Variants in ZNF17 observed in about 807,000 individuals in gnomAD.
ZNF17 encodes the protein zinc finger protein 17 (HPF3, KOX 10).
In ZNF17, 4 loss-of-function variants were observed where a neutral mutation model predicts 7.7. The observed-to-expected ratio is 0.52, with a 90% CI of 0.26 to 1.20. The LOEUF is 1.20. ZNF17 is among the 50% of genes most tolerant of loss of function. The pLI is 0.14. For missense variants in ZNF17, 738 were observed against 799.5 expected, an observed-to-expected ratio of 0.92 and a Z score of 0.93; for synonymous variants, 249 against 258.8, an observed-to-expected ratio of 0.96 and a Z score of 0.36.
chr19:57,413,683 G>A (rs1202625421), intron 2 of ZNF17, 47 bp downstream of exon 2: 1 of 1,532,428 alleles, frequency 6.5e-7, no homozygotes, highest in East Asian at 2.4e-5. Flanking sequence ...GATGGTTTCA[G>A]CATGCTGATA....
At position 57,419,913 on chromosome 19, in the gene ZNF17, C is replaced by T. The variant is rs973379160; in HGVS notation, c.427C>T (p.His143Tyr). 3.1e-6 allele frequency: 5 copies of T among 1,614,208 alleles called. No homozygotes were observed. Among genetic ancestry groups the T allele is most frequent in the Non-Finnish European group, 8.5e-7 (1 of 1,180,036 alleles). ...GCCTTCGTTTGTGAATGACAGTGTT[C>T]ACCTGGCAAAGAGGAACCTCACATG... is the stretch of plus-strand genomic sequence containing the variant. ...GRPSFVNDSV[H>Y]LAKRNLTCMQ... Residue 143 changes from histidine (H) to tyrosine (Y), a missense_variant, in exon 4 of 4, where the codon CAC becomes TAC. Transcript: ENST00000307658.
chr19:57,411,307 G>T lies in ZNF17; in HGVS notation c.-120G>T, dbSNP rs959679436. The T allele has an allele frequency of 3.0e-5, 47 of 1,556,722 alleles. No homozygotes were observed. The highest frequency in any genetic ancestry group is 2.2e-4 in the African/African-American group (16 of 73,940). On this transcript the variant is annotated 5_prime_UTR_variant, in exon 1 of 4. Coordinates refer to ENST00000307658, the MANE Select transcript of ZNF17 (RefSeq NM_001330617.2). ...AGAGTGAGGCTCGGTTGAATCGGTT[G>T]CAGGCGTTGGTGCCTCTGTCAGCGT...
chr19:57,417,562 T>C (rs2088818129), intron 2 of ZNF17, among the ~76,000 whole-genome samples: 1 of 151,802 alleles, frequency 6.6e-6, no homozygotes, highest in Non-Finnish European at 1.5e-5. Context: ...AAGAAGTTGC[T>C]CATGGGCCGG....
chr19:57,411,607 G>A, intron 1 of ZNF17: 1 of 1,399,716 alleles, frequency 7.1e-7, no homozygotes, highest in African/African-American at 1.4e-5. Flanking sequence ...TGCAGAGCGG[G>A]CGGCACTGGG....
chr19:57,416,579 C>T (rs772839752), intron 2 of ZNF17, among the ~76,000 whole-genome samples: 5 of 151,944 alleles, frequency 3.3e-5, no homozygotes, highest in Non-Finnish European at 7.4e-5. Flanking sequence ...GGCGCGATCT[C>T]GGCTCACTGC....
chr19:57,416,084 C>T lies in ZNF17; in HGVS notation c.22-1828C>T, dbSNP rs527244995. Among the ~76,000 whole-genome samples, 6 of 151,984 alleles carry T rather than the reference C, an allele frequency of 3.9e-5. No homozygotes were observed. In the South Asian group the frequency reaches 1.3e-3, roughly 32 times the overall value. On this transcript the variant is annotated intron_variant, in intron 2 of 3. Coordinates refer to ENST00000307658, the MANE Select transcript of ZNF17 (RefSeq NM_001330617.2). Reference sequence around the variant, plus strand: ...AGATCTGGAACTCAAAGGAGGTGTGCAAGAATATGTGGGTTTGGAAAGCTG... The same window carrying T: ...AGATCTGGAACTCAAAGGAGGTGTGTAAGAATATGTGGGTTTGGAAAGCTG...
At position 57,420,254 on chromosome 19, in the gene ZNF17, C is replaced by A. The variant is rs1214234487; in HGVS notation, c.768C>A (p.Ala256=). 1 of 1,614,128 alleles carries A rather than the reference C, an allele frequency of 6.2e-7. No homozygotes were observed. The highest frequency in any genetic ancestry group is 8.5e-7 in the Non-Finnish European group (1 of 1,180,014). The stretch of plus-strand genomic sequence containing the variant: ...ATAAGTGTAGTGAATGTGGAAAAGC[C>A]TTCAGCCTCAAATACAATGTTGTTC... ...RPYKCSECGK[A]FSLKYNVVQH... Residue 256 remains alanine, a synonymous_variant, in exon 4 of 4, where the codon GCC becomes GCA. Transcript: ENST00000307658.
At chr19:57,419,318 G>T (rs955305453) in intron 3 of ZNF17, 1 of 259,398 alleles carries the variant, frequency 3.9e-6, no homozygotes, top group Non-Finnish European at 7.4e-6. Flanking sequence ...TCTGGGTCTG[G>T]ACACAGTCTT....
chr19:57,419,953 A>G lies in ZNF17; in HGVS notation c.467A>G (p.Lys156Arg), dbSNP rs370217605. The stretch of plus-strand genomic sequence containing the variant: ...AACCTCACATGCATGCAGGGTGGCA[A>G]GGATTTTACTGGTGATTCAGATCTT... ...KRNLTCMQGG[K>R]DFTGDSDLQQ... The change falls in exon 4 of 4, where the codon AAG becomes AGG. Residue 156 changes from lysine (K) to arginine (R), a missense_variant. Physicochemically the swap from Lys to Arg is conservative, Grantham distance 26. Around this residue, in one of 3 missense-constraint regions of ZNF17, gnomAD observed 616 missense variants for 663.9 expected, o/e 0.93. Transcript: ENST00000307658. 8 of 1,614,232 alleles carry G rather than the reference A, an allele frequency of 5.0e-6. No individual in the cohort carries two copies. Among genetic ancestry groups the G allele is most frequent in the Non-Finnish European group, 6.8e-6 (8 of 1,180,030 alleles).
Position 57,411,411 on chromosome 19 carries a change from G to C in ZNF17, c.-21+5G>C, listed in dbSNP as rs776906171. On this transcript the variant is annotated splice_donor_5th_base_variant and intron_variant, in intron 1 of 3. Transcript: ENST00000307658. ...GCGCCGATGAACCTGACTGAGGTGG[G>C]TGCCGCGTCCCAGGGCGCCCCGCCC... The C allele has an allele frequency of 6.2e-7, 1 of 1,611,674 alleles. No homozygotes were observed. The highest frequency in any genetic ancestry group is 8.5e-7 in the Non-Finnish European group (1 of 1,179,514).
chr19:57,414,686 GA>G (rs2088800516), intron 2 of ZNF17, among the ~76,000 whole-genome samples: 1 of 149,870 alleles, frequency 6.7e-6, no homozygotes, highest in African/African-American at 2.5e-5. Context: ...GTTTGAGAAA[GA>G]AAAAAGAGGT....
In ZNF17 at chr19:57,420,237, A is replaced by C. The variant is rs750032203; in HGVS notation, c.751A>C (p.Ser251Arg). The C allele has an allele frequency of 5.0e-6, 8 of 1,614,196 alleles. No homozygotes were observed. The Admixed American group carries it at 1.2e-4, about 24-fold the overall frequency. Residue 251 changes from serine to arginine, a missense_variant, in exon 4 of 4, where the codon AGT becomes CGT. Ser to Arg is a moderately radical substitution (Grantham distance 110). This residue lies in a region of ZNF17 where 616 missense variants were observed against 663.9 expected (regional missense o/e 0.93). Transcript: ENST00000307658. Reference sequence around the variant, plus strand: ...TACTGGAGAAAGGCCTTATAAGTGTAGTGAATGTGGAAAAGCCTTCAGCCT... The same window carrying C: ...TACTGGAGAAAGGCCTTATAAGTGTCGTGAATGTGGAAAAGCCTTCAGCCT... ...NHTGERPYKC[S>R]ECGKAFSLKY... is the part of the protein sequence containing the mutation.
chr19:57,414,786 CT>C (rs1469371580), intron 2 of ZNF17, among the ~76,000 whole-genome samples: 5 of 151,062 alleles, frequency 3.3e-5, no homozygotes, highest in Non-Finnish European at 7.4e-5. Context: ...ACTCGGCTCA[CT>C]GCAAGCTTCG....
chr19:57,415,074 G>A (rs2088803279), intron 2 of ZNF17, among the ~76,000 whole-genome samples: 1 of 152,184 alleles, frequency 6.6e-6, no homozygotes, highest in African/African-American at 2.4e-5. Context: ...TGAGAGTTAG[G>A]GAAGAACCAA....
Position 57,411,318 on chromosome 19 carries a change from T to G in ZNF17, c.-109T>G, listed in dbSNP as rs2088774301. 22 of 1,576,526 alleles carry G rather than the reference T, an allele frequency of 1.4e-5. No individual in the cohort carries two copies. Among genetic ancestry groups the G allele is most frequent in the Non-Finnish European group, 1.9e-5 (22 of 1,161,326 alleles). On this transcript the variant is annotated 5_prime_UTR_variant, in exon 1 of 4. Transcript: ENST00000307658. The stretch of plus-strand genomic sequence containing the variant: ...CGGTTGAATCGGTTGCAGGCGTTGG[T>G]GCCTCTGTCAGCGTCCAGGTCACTG...
In ZNF17 at chr19:57,420,359, A is replaced by C; in HGVS notation, c.873A>C (p.Leu291=). ...CGKAFLRKSH[L]LQHQRIHTRP... ...AAGCTTTTCTTAGAAAGTCTCACCTACTTCAGCACCAGAGGATTCACACCA... is the reference window on the plus strand; with the variant it reads ...AAGCTTTTCTTAGAAAGTCTCACCTCCTTCAGCACCAGAGGATTCACACCA... Residue 291 remains leucine (L), a synonymous_variant, in exon 4 of 4, where the codon CTA becomes CTC. Coordinates refer to ENST00000307658, the MANE Select transcript of ZNF17 (RefSeq NM_001330617.2). 1 of 1,613,220 alleles carries C rather than the reference A, an allele frequency of 6.2e-7. No individual in the cohort carries two copies. The highest frequency in any genetic ancestry group is 8.5e-7 in the Non-Finnish European group (1 of 1,179,806).
In ZNF17 at chr19:57,419,628, G is replaced by T; in HGVS notation, c.149-7G>T. ...CATCATGCACTTCATGAGCATTTCT[G>T]TTTTAGGTTGTTGGCATGGAGCCAA... On this transcript the variant is annotated splice_region_variant and splice_polypyrimidine_tract_variant and intron_variant, in intron 3 of 3. Transcript: ENST00000307658. 6.2e-7 allele frequency: 1 copy of T among 1,605,846 alleles called. No homozygotes were observed. Among genetic ancestry groups the T allele is most frequent in the Non-Finnish European group, 8.5e-7 (1 of 1,174,558 alleles).
chr19:57,416,759 C>T (rs918641895), intron 2 of ZNF17, among the ~76,000 whole-genome samples: 46 of 152,082 alleles, frequency 3.0e-4, no homozygotes, highest in East Asian at 7.7e-4. Context: ...CTACCTGCCT[C>T]AGCCTCCCAA....
chr19:57,414,673 A>C (rs1028770052), intron 2 of ZNF17, among the ~76,000 whole-genome samples: 20 of 150,584 alleles, frequency 1.3e-4, no homozygotes, highest in Admixed American at 8.6e-4. Flanking sequence ...GTAGCTAGGG[A>C]AGGTTTGAGA....
Sources: allele counts gnomAD v4.1 joint callset (sites outside exome capture counted in the v4.1 genomes callset), GRCh38; gene constraint gnomAD v4.1.1; regional missense constraint gnomAD v4.1.1; transcripts MANE v1.5; gene names NCBI Gene and HGNC (gene_info 2026-07-23, HGNC 2026-07-21).